VRK2: variants seen among roughly 807,000 people sequenced by gnomAD.
VRK2 encodes VRK serine/threonine kinase 2.
VRK2 carries 60 observed loss-of-function variants against 57.6 expected under a neutral mutation model. The ratio of observed to expected loss-of-function variants is 1.04; its 90% CI spans 0.85 to 1.29. VRK2 has a LOEUF of 1.29. VRK2 is among the 50% of genes most tolerant of loss of function. The probability of loss-of-function intolerance (pLI) is 0.00; values close to 1 mark genes in which losing one functional copy is unlikely to be tolerated. For synonymous variants in VRK2, 231 were observed against 199.2 expected, an observed-to-expected ratio of 1.16 and a Z score of -1.35; for missense variants, 705 against 588.1, an observed-to-expected ratio of 1.20 and a Z score of -2.06.
intron 1 of VRK2, among the ~76,000 whole-genome samples, chr2:57,946,105 T>C (rs953676216): frequency 1.3e-5 from 2 of 152,122 alleles, no homozygotes; most frequent in Non-Finnish European, 2.9e-5. Context: ...AGGAATAATT[T>C]ATTTATATCC....
At chr2:57,929,017 G>T (rs568082910) in intron 1 of VRK2, among the ~76,000 whole-genome samples, 2 of 152,280 alleles carry the variant, frequency 1.3e-5, no homozygotes, top group Admixed American at 1.3e-4. Context: ...AAGCCACCAT[G>T]GTCTGTGTCT....
At chr2:58,104,246 C>T (rs1674424214) in intron 7 of VRK2, among the ~76,000 whole-genome samples, 1 of 151,668 alleles carries the variant, frequency 6.6e-6, no homozygotes, top group Admixed American at 6.6e-5. Context: ...GAAATACATC[C>T]AGATTGCAAA....
chr2:58,151,116 A>G (rs1433466582), intron 12 of VRK2, among the ~76,000 whole-genome samples: 1 of 151,710 alleles, frequency 6.6e-6, no homozygotes, highest in Non-Finnish European at 1.5e-5. Flanking sequence ...TTCAAATCTT[A>G]TATATTCACT....
At chr2:58,009,152 G>A (rs1016173576) in intron 1 of VRK2, among the ~76,000 whole-genome samples, 2 of 152,126 alleles carry the variant, frequency 1.3e-5, no homozygotes, top group African/African-American at 4.8e-5. Flanking sequence ...AATGGTAGCA[G>A]GGAATATCAT....
At chr2:58,001,829 A>T (rs1673098947) in intron 1 of VRK2, among the ~76,000 whole-genome samples, 1 of 152,102 alleles carries the variant, frequency 6.6e-6, no homozygotes, top group South Asian at 2.1e-4. Flanking sequence ...CTCAATAATA[A>T]TAAAAATAGT....
In VRK2 at chr2:57,908,079, G is replaced by A. The variant is rs938090184; in HGVS notation, c.-439+240G>A. 1.6e-4 allele frequency among the ~76,000 whole-genome samples: 25 copies of A among 152,174 alleles called. 1 individual carries two copies. Among genetic ancestry groups the A allele is most frequent in the Admixed American group, 4.6e-4 (7 of 15,280 alleles). The stretch of plus-strand genomic sequence containing the variant: ...AAGGATTCACAAGAGGGGATCAAGA[G>A]ATTTTCAAGGAACTTCTGGAAGGCA... On this transcript the variant is annotated intron_variant, in intron 1 of 15. Transcript: ENST00000417641.
chr2:58,108,678 C>A (rs1419576832), intron 7 of VRK2, among the ~76,000 whole-genome samples: 1 of 152,156 alleles, frequency 6.6e-6, no homozygotes, highest in Non-Finnish European at 1.5e-5. Context: ...TTGCTTCTTT[C>A]TCTGAGTCTC....
At chr2:58,010,299 T>C (rs1004877726) in intron 1 of VRK2, among the ~76,000 whole-genome samples, 3 of 152,128 alleles carry the variant, frequency 2.0e-5, no homozygotes, top group African/African-American at 4.8e-5. Flanking sequence ...ACAGCAGTAT[T>C]ATAATTTCAT....
At chr2:58,052,375 G>C (rs1012239570) in intron 2 of VRK2, among the ~76,000 whole-genome samples, 6 of 152,074 alleles carry the variant, frequency 3.9e-5, no homozygotes, top group African/African-American at 1.4e-4. Context: ...CACTTTGGAA[G>C]GCCCAGGCGG....
chr2:58,102,733 A>G (rs554524431), intron 7 of VRK2, among the ~76,000 whole-genome samples: 1 of 151,694 alleles, frequency 6.6e-6, no homozygotes, highest in African/African-American at 2.4e-5. Context: ...ACTTAATTGA[A>G]CATTAGATCA....
chr2:57,956,205 G>T (rs1156849701), intron 1 of VRK2, among the ~76,000 whole-genome samples: 1 of 151,974 alleles, frequency 6.6e-6, no homozygotes, highest in Non-Finnish European at 1.5e-5. Flanking sequence ...ACATAGCAAG[G>T]CTCCACCTCT....
chr2:57,921,970 T>C (rs1319237251), intron 1 of VRK2, among the ~76,000 whole-genome samples: 1 of 152,118 alleles, frequency 6.6e-6, no homozygotes, highest in Admixed American at 6.6e-5. Context: ...AGTCTGATTG[T>C]TTTGTTCCTC....
At chr2:57,969,454 TA>T (rs1407137272) in intron 1 of VRK2, among the ~76,000 whole-genome samples, 5 of 151,900 alleles carry the variant, frequency 3.3e-5, no homozygotes, top group African/African-American at 1.2e-4. Context: ...ACTTTTAATT[TA>T]AAAAAATAAC....
At chr2:58,058,508 A>G in intron 2 of VRK2, 1 of 446,480 alleles carries the variant, frequency 2.2e-6, no homozygotes. Flanking sequence ...GTGCCACCTA[A>G]TGAACCTCTT....
intron 1 of VRK2, among the ~76,000 whole-genome samples, chr2:57,966,482 A>G (rs1253768956): frequency 6.6e-6 from 1 of 152,192 alleles, no homozygotes; most frequent in Non-Finnish European, 1.5e-5. Flanking sequence ...AGTTTGGTTC[A>G]CTTAGCATAT....
chr2:58,071,132 T>C (rs1042774887), intron 2 of VRK2, among the ~76,000 whole-genome samples: 1 of 152,238 alleles, frequency 6.6e-6, no homozygotes, highest in Middle Eastern at 3.4e-3. Context: ...CTGTTAAATA[T>C]TTTGCTCATT....
chr2:58,100,308 A>G (rs1673770066), intron 7 of VRK2, among the ~76,000 whole-genome samples: 3 of 151,994 alleles, frequency 2.0e-5, no homozygotes, highest in East Asian at 1.9e-4. Context: ...TTCACCATCT[A>G]TAAAATTTAG....
At chr2:58,064,535 A>C (rs556027284) in intron 2 of VRK2, among the ~76,000 whole-genome samples, 1 of 152,292 alleles carries the variant, frequency 6.6e-6, no homozygotes, top group East Asian at 1.9e-4. Context: ...TTGTACCCTT[A>C]ATAAACTACA....
chr2:58,067,247 C>A (rs1477033214), intron 2 of VRK2, among the ~76,000 whole-genome samples: 1 of 152,180 alleles, frequency 6.6e-6, no homozygotes, highest in African/African-American at 2.4e-5. Context: ...GGTTTTGGGA[C>A]TCAGACTGGC....
Sources: allele counts gnomAD v4.1 joint callset (sites outside exome capture counted in the v4.1 genomes callset), GRCh38; gene constraint gnomAD v4.1.1; transcripts MANE v1.5; gene names NCBI Gene and HGNC (gene_info 2026-07-23, HGNC 2026-07-21).